The following NALF1 variants were observed in gnomAD, a reference collection of about 807,000 sequenced individuals.
The protein encoded by NALF1 is NALCN channel auxiliary factor 1, also known as family with sequence similarity 155 member A.
In NALF1, 3 loss-of-function variants were observed where a neutral mutation model predicts 48.4. The observed-to-expected ratio is 0.06, with a 90% confidence interval of 0.03 to 0.16. The LOEUF (loss-of-function observed/expected upper bound fraction) is 0.16. Among genes scored for constraint, NALF1 ranks in the 10% least tolerant of loss-of-function variants. The pLI, the probability that NALF1 is intolerant of heterozygous loss-of-function variation, is 1.00. For synonymous variants in NALF1, 262 were observed against 245.7 expected (o/e 1.07, Z -0.62); for missense variants, 526 against 571.5 (o/e 0.92, Z 0.81).
chr13:107,233,814 A>G (rs1197209829), intron 1 of NALF1, among the ~76,000 whole-genome samples: 1 of 152,198 alleles, frequency 6.6e-6, no homozygotes, highest in Non-Finnish European at 1.5e-5. Context: ...GAGAGAGGAA[A>G]AGCTTAAAAT....
intron 1 of NALF1, among the ~76,000 whole-genome samples, chr13:107,570,696 G>A (rs1205366891): frequency 6.6e-6 from 1 of 151,638 alleles, no homozygotes; most frequent in East Asian, 1.9e-4. Flanking sequence ...AGCAAAGAAA[G>A]CATATCATTG....
At chr13:107,739,269 T>C (rs1305180988) in intron 1 of NALF1, among the ~76,000 whole-genome samples, 1 of 151,812 alleles carries the variant, frequency 6.6e-6, no homozygotes, top group African/African-American at 2.4e-5. Flanking sequence ...GGCACATGTA[T>C]ACCTGTGTAA....
chr13:107,292,325 A>G (rs1881637524), intron 1 of NALF1, among the ~76,000 whole-genome samples: 1 of 152,218 alleles, frequency 6.6e-6, no homozygotes, highest in African/African-American at 2.4e-5. Flanking sequence ...TCAGTGAGTG[A>G]GAAGTCAATG....
At chr13:107,840,634 T>A (rs975550555) in intron 1 of NALF1, among the ~76,000 whole-genome samples, 2 of 152,184 alleles carry the variant, frequency 1.3e-5, no homozygotes, top group Non-Finnish European at 2.9e-5. Context: ...TGCAAATTAG[T>A]TTCGGATACT....
At chr13:107,603,527 T>C (rs923879235) in intron 1 of NALF1, among the ~76,000 whole-genome samples, 5 of 152,174 alleles carry the variant, frequency 3.3e-5, no homozygotes, top group African/African-American at 1.2e-4. Flanking sequence ...TACCGAAGTA[T>C]ATCAAAACAA....
chr13:107,731,559 C>T (rs183310064), intron 1 of NALF1, among the ~76,000 whole-genome samples: 296 of 152,218 alleles, frequency 1.9e-3, no homozygotes, highest in Middle Eastern at 0.017. Flanking sequence ...CATGCACCCC[C>T]GACCCTCAAG....
chr13:107,539,022 G>T (rs914515290), intron 1 of NALF1, among the ~76,000 whole-genome samples: 6 of 149,562 alleles, frequency 4.0e-5, no homozygotes, highest in Admixed American at 4.0e-4. Flanking sequence ...AAGAAATTTT[G>T]CTAAACCCTT....
At position 107,261,423 on chromosome 13, in the gene NALF1, A is replaced by G. The variant is rs61965521; in HGVS notation, c.916-50668T>C. On this transcript the variant is annotated intron_variant, in intron 1 of 2. Transcript: ENST00000375915. ...TGCGTGGCCATTCTTCTCCTCCCCT[A>G]TCCCATCAGCAATGATTTTAATTTT... Among the ~76,000 whole-genome samples, 371 of 152,128 alleles carry G rather than the reference A, an allele frequency of 2.4e-3. 1 individual carries two copies. The highest frequency in any genetic ancestry group is 4.0e-3 in the Non-Finnish European group (273 of 67,998).
At chr13:107,649,237 G>A (rs1320079032) in intron 1 of NALF1, among the ~76,000 whole-genome samples, 2 of 152,090 alleles carry the variant, frequency 1.3e-5, no homozygotes, top group African/African-American at 4.8e-5. Flanking sequence ...CCCACCATGT[G>A]GGAACTGTCA....
intron 1 of NALF1, among the ~76,000 whole-genome samples, chr13:107,805,687 T>C (rs1878763468): frequency 6.6e-6 from 1 of 152,216 alleles, no homozygotes; most frequent in Admixed American, 6.5e-5. Flanking sequence ...TTTAATCCTA[T>C]GTGCGGTTAC....
chr13:107,478,391 A>T (rs1391934981), intron 1 of NALF1, among the ~76,000 whole-genome samples: 1 of 152,150 alleles, frequency 6.6e-6, no homozygotes, highest in East Asian at 1.9e-4. Context: ...GTTAGTTAAC[A>T]TTTTAAAACG....
At chr13:107,861,499 T>G (rs916655834) in intron 1 of NALF1, among the ~76,000 whole-genome samples, 1 of 152,190 alleles carries the variant, frequency 6.6e-6, no homozygotes. Flanking sequence ...AAAAACTATT[T>G]CTTGGCCAGG....
At chr13:107,628,938 AG>A in intron 1 of NALF1, among the ~76,000 whole-genome samples, 1 of 152,140 alleles carries the variant, frequency 6.6e-6, no homozygotes, top group East Asian at 1.9e-4. Flanking sequence ...CATCTCTCTT[AG>A]GGAATGCCTT....
intron 1 of NALF1, among the ~76,000 whole-genome samples, chr13:107,469,046 G>A (rs1234899930): frequency 6.6e-6 from 1 of 151,830 alleles, no homozygotes; most frequent in East Asian, 1.9e-4. Context: ...AGGTCTCTGA[G>A]GTTTTACTTT....
chr13:107,324,703 G>A (rs1345079511), intron 1 of NALF1, among the ~76,000 whole-genome samples: 1 of 152,120 alleles, frequency 6.6e-6, no homozygotes, highest in Non-Finnish European at 1.5e-5. Context: ...AGATATACTT[G>A]TAAACTCATG....
intron 1 of NALF1, among the ~76,000 whole-genome samples, chr13:107,390,877 T>TTAATAATAATAATAATAATAA (rs71121527): frequency 2.3e-4 from 34 of 147,244 alleles, no homozygotes; most frequent in East Asian, 6.0e-4. Context: ...AGCCAGAAGG[T>TTAATAATAATAATAATAATAA]TAATAATAAT....
chr13:107,529,335 G>T (rs569625188), intron 1 of NALF1, among the ~76,000 whole-genome samples: 1 of 152,134 alleles, frequency 6.6e-6, no homozygotes, highest in Admixed American at 6.6e-5. Flanking sequence ...TCACTTCACC[G>T]ATCCAGGCCT....
intron 1 of NALF1, among the ~76,000 whole-genome samples, chr13:107,406,198 C>A (rs1883896542): frequency 6.6e-6 from 1 of 152,026 alleles, no homozygotes; most frequent in Non-Finnish European, 1.5e-5. Flanking sequence ...TTATGGCTAT[C>A]TTTAAAATTA....
intron 1 of NALF1, among the ~76,000 whole-genome samples, chr13:107,295,714 G>T (rs1403553340): frequency 6.6e-6 from 1 of 152,178 alleles, no homozygotes; most frequent in African/African-American, 2.4e-5. Flanking sequence ...CTGCAAAATG[G>T]AAGCATTGGA....
Sources: gnomAD v4.1 joint callset for allele counts (sites outside exome capture counted in the v4.1 genomes callset) on GRCh38, gnomAD v4.1.1 for gene constraint, MANE v1.5 for transcripts, NCBI Gene and HGNC (gene_info 2026-07-23, HGNC 2026-07-21) for gene names.